Variants in CDH2 observed in about 807,000 individuals in gnomAD.
The protein encoded by CDH2 is cadherin 2, also known as cadherin-2.
CDH2 carries 17 observed loss-of-function variants against 92.0 expected under a neutral mutation model. The ratio of observed to expected loss-of-function variants is 0.18; its 90% CI spans 0.13 to 0.28. The LOEUF (loss-of-function observed/expected upper bound fraction) is 0.28. CDH2 is among the 10% of genes least tolerant of loss of function. CDH2 has a pLI of 1.00. For missense variants in CDH2, 862 were observed against 1,133.1 expected (o/e 0.76, Z 3.44); for synonymous variants, 419 against 415.9 (o/e 1.01, Z -0.09).
At position 27,951,403 on chromosome 18, in the gene CDH2, A is replaced by C. The variant is rs1417817056; in HGVS notation, c.*750T>G. 6.6e-6 allele frequency: 1 copy of C among 152,490 alleles called. No individual in the cohort carries two copies. The highest frequency in any genetic ancestry group is 2.4e-5 in the African/African-American group (1 of 41,434). 9.4% of individuals were successfully genotyped at this position (152,490 alleles called of 1,614,324 possible). ...CAAATAATACATACACATGTTCTGA[A>C]GTTTCTGCACTTCTCCATAGACTAT... On this transcript the variant is annotated 3_prime_UTR_variant, in exon 16 of 16. Coordinates refer to ENST00000269141, the MANE Select transcript of CDH2 (RefSeq NM_001792.5).
chr18:27,948,290 T>C (rs763408759), downstream of CDH2, among the ~76,000 whole-genome samples: 1 of 147,150 alleles, frequency 6.8e-6, no homozygotes, highest in Non-Finnish European at 1.5e-5. Flanking sequence ...TTCCACATGG[T>C]TGGGTTTAGA....
intron 2 of CDH2, among the ~76,000 whole-genome samples, chr18:28,031,173 G>T (rs1248772635): frequency 6.6e-6 from 1 of 151,346 alleles, no homozygotes; most frequent in Non-Finnish European, 1.5e-5. Context: ...GCCAACTCTG[G>T]GTTCACCCTC....
chr18:27,996,464 C>T (rs936178940), intron 7 of CDH2, among the ~76,000 whole-genome samples: 1 of 152,128 alleles, frequency 6.6e-6, no homozygotes, highest in African/African-American at 2.4e-5. Flanking sequence ...AATACCATTC[C>T]CTTCATTCCA....
chr18:28,118,742 AT>A (rs1224463015), intron 2 of CDH2, among the ~76,000 whole-genome samples: 1 of 150,932 alleles, frequency 6.6e-6, no homozygotes, highest in Non-Finnish European at 1.5e-5. Context: ...AGTTATTGAC[AT>A]ATTCCACTAA....
At chr18:28,030,507 A>G (rs1209500013) in intron 2 of CDH2, among the ~76,000 whole-genome samples, 3 of 152,076 alleles carry the variant, frequency 2.0e-5, no homozygotes, top group Non-Finnish European at 4.4e-5. Flanking sequence ...ACAAACAACA[A>G]CAACAAAAGA....
chr18:28,110,579 T>C (rs569719656), intron 2 of CDH2, among the ~76,000 whole-genome samples: 8 of 152,230 alleles, frequency 5.3e-5, no homozygotes, highest in African/African-American at 1.4e-4. Context: ...CCAATCTACC[T>C]AAGCAATAGC....
intron 1 of CDH2, among the ~76,000 whole-genome samples, chr18:28,171,843 A>G (rs967695395): frequency 2.6e-5 from 4 of 152,196 alleles, no homozygotes; most frequent in Non-Finnish European, 5.9e-5. Context: ...AAGAGAGTAG[A>G]CTACATCTGG....
intron 2 of CDH2, among the ~76,000 whole-genome samples, chr18:28,132,054 G>T (rs1207155392): frequency 6.6e-6 from 1 of 152,126 alleles, no homozygotes; most frequent in Non-Finnish European, 1.5e-5. Context: ...AAAAAGCACA[G>T]CAGTATGGAC....
At chr18:28,021,746 A>T (rs566065643) in intron 2 of CDH2, among the ~76,000 whole-genome samples, 3 of 152,126 alleles carry the variant, frequency 2.0e-5, no homozygotes, top group East Asian at 3.9e-4. Flanking sequence ...TACATAAACC[A>T]AATGAATGAA....
At chr18:28,031,907 A>G (rs1351806674) in intron 2 of CDH2, among the ~76,000 whole-genome samples, 1 of 152,266 alleles carries the variant, frequency 6.6e-6, no homozygotes, top group Middle Eastern at 3.4e-3. Flanking sequence ...AATGAATAAA[A>G]GGAACATGAG....
chr18:28,119,157 G>A (rs908617557), intron 2 of CDH2, among the ~76,000 whole-genome samples: 2 of 152,106 alleles, frequency 1.3e-5, no homozygotes, highest in Non-Finnish European at 2.9e-5. Context: ...TCTTGAACAA[G>A]GAGGAAGAAT....
At chr18:28,163,574 T>C (rs2016336823) in intron 1 of CDH2, among the ~76,000 whole-genome samples, 1 of 152,234 alleles carries the variant, frequency 6.6e-6, no homozygotes, top group Admixed American at 6.5e-5. Flanking sequence ...TGCATAAGAA[T>C]GCTGACAGCA....
intron 14 of CDH2, among the ~76,000 whole-genome samples, chr18:27,964,295 A>G (rs2011484733): frequency 6.6e-6 from 1 of 152,200 alleles, no homozygotes; most frequent in Admixed American, 6.5e-5. Context: ...ACTTGTGAAG[A>G]AGGATGCTCT....
chr18:28,130,574 G>A (rs17494864), intron 2 of CDH2, among the ~76,000 whole-genome samples: 2 of 152,354 alleles, frequency 1.3e-5, no homozygotes, highest in African/African-American at 4.8e-5. Flanking sequence ...AAGCCTAGCT[G>A]AGATGCAGAA....
chr18:28,013,760 C>A lies in CDH2; in HGVS notation c.322G>T (p.Asp108Tyr), dbSNP rs751296292. The A allele has an allele frequency of 6.2e-7, 1 of 1,614,012 alleles. No homozygotes were observed. Among genetic ancestry groups the A allele is most frequent in the Non-Finnish European group, 8.5e-7 (1 of 1,179,960 alleles). ...EHAKFLIYAQ[D>Y]KETQEKWQVA... ...TGCCACTTTTCCTGGGTCTCTTTGT[C>A]TTGGGCATATATCAGGAACTTGGCA... The change falls in exon 3 of 16, where the codon GAC becomes TAC. Residue 108 changes from aspartate (D) to tyrosine (Y), a missense_variant. Transcript: ENST00000269141.
downstream of CDH2, among the ~76,000 whole-genome samples, chr18:27,946,142 G>A (rs973843115): frequency 4.6e-5 from 7 of 152,074 alleles, no homozygotes; most frequent in African/African-American, 1.7e-4. Context: ...AAAAGCTCAT[G>A]GGAAATGTTA....
At chr18:28,070,618 A>G (rs1008339385) in intron 2 of CDH2, among the ~76,000 whole-genome samples, 1 of 152,172 alleles carries the variant, frequency 6.6e-6, no homozygotes, top group African/African-American at 2.4e-5. Flanking sequence ...GCTTCACTAA[A>G]CCAGACGACA....
chr18:28,149,013 C>T (rs774919203), intron 1 of CDH2, among the ~76,000 whole-genome samples: 1 of 152,110 alleles, frequency 6.6e-6, no homozygotes, highest in Non-Finnish European at 1.5e-5. Flanking sequence ...TCAGGCCCAT[C>T]GAATGAGTAA....
chr18:28,126,043 C>T (rs915069148), intron 2 of CDH2, among the ~76,000 whole-genome samples: 1 of 152,002 alleles, frequency 6.6e-6, no homozygotes, highest in African/African-American at 2.4e-5. Flanking sequence ...CAAGGGTTCA[C>T]ATTTAAAGAA....
Sources: allele counts gnomAD v4.1 joint callset (sites outside exome capture counted in the v4.1 genomes callset), GRCh38; gene constraint gnomAD v4.1.1; transcripts MANE v1.5; gene names NCBI Gene and HGNC (gene_info 2026-07-23, HGNC 2026-07-21).